Variants in GRM7 observed in about 807,000 individuals in gnomAD.
The protein encoded by GRM7 is glutamate metabotropic receptor 7.
A neutral mutation model predicts 84.5 loss-of-function variants in GRM7; 35 were observed. The ratio of observed to expected loss-of-function variants is 0.41; its 90% CI spans 0.32 to 0.55. The LOEUF is 0.55. GRM7 is among the 20% of genes least tolerant of loss of function. GRM7 has a pLI of 0.19. For missense variants in GRM7, 1,003 were observed against 1,194.6 expected (o/e 0.84, Z 2.36); for synonymous variants, 487 against 455.1 (o/e 1.07, Z -0.89).
intron 2 of GRM7, among the ~76,000 whole-genome samples, chr3:7,231,643 A>G (rs1697198892): frequency 6.6e-6 from 1 of 152,214 alleles, no homozygotes; most frequent in African/African-American, 2.4e-5. Context: ...GCATTGATCT[A>G]AGGACTTTCC....
intron 2 of GRM7, among the ~76,000 whole-genome samples, chr3:7,178,035 G>A (rs962967542): frequency 3.3e-5 from 5 of 152,036 alleles, no homozygotes; most frequent in African/African-American, 1.2e-4. Flanking sequence ...TTGATTAATT[G>A]ACTTTTGTAT....
At chr3:7,190,056 A>AG (rs1695658767) in intron 2 of GRM7, among the ~76,000 whole-genome samples, 1 of 152,112 alleles carries the variant, frequency 6.6e-6, no homozygotes, top group Non-Finnish European at 1.5e-5. Flanking sequence ...TCTTTTCTGC[A>AG]AGGTAGTTGA....
At chr3:7,403,186 G>A (rs138178952) in intron 4 of GRM7, 2 of 444,810 alleles carry the variant, frequency 4.5e-6, no homozygotes, top group Non-Finnish European at 9.1e-6. Context: ...AAATGGGTAG[G>A]TGCCATTTGC....
chr3:7,599,003 A>G (rs953916779), intron 8 of GRM7, among the ~76,000 whole-genome samples: 1 of 152,204 alleles, frequency 6.6e-6, no homozygotes, highest in Non-Finnish European at 1.5e-5. Context: ...TCCTCTTGAA[A>G]GAGAATTTCT....
intron 1 of GRM7, among the ~76,000 whole-genome samples, chr3:6,950,624 C>T (rs1212570013): frequency 1.3e-5 from 2 of 152,200 alleles, no homozygotes; most frequent in Admixed American, 1.3e-4. Flanking sequence ...TTATTGCTGT[C>T]TTTTGTTTGT....
intron 8 of GRM7, among the ~76,000 whole-genome samples, chr3:7,587,813 T>A (rs1356596671): frequency 1.3e-5 from 2 of 152,122 alleles, no homozygotes; most frequent in Non-Finnish European, 2.9e-5. Context: ...ACCTGAAGGG[T>A]GCAGAAGAAT....
chr3:6,942,368 T>C (rs1240729191), intron 1 of GRM7, among the ~76,000 whole-genome samples: 2 of 152,138 alleles, frequency 1.3e-5, no homozygotes, highest in Admixed American at 6.5e-5. Flanking sequence ...TGTGTAAATC[T>C]GTAAAACCCA....
chr3:7,464,253 T>TA (rs1559341232), intron 7 of GRM7, among the ~76,000 whole-genome samples: 3 of 94,058 alleles, frequency 3.2e-5, no homozygotes, highest in African/African-American at 9.2e-5. Context: ...GGGATACATA[T>TA]GTAACGTGAG....
At chr3:7,494,752 G>A (rs1157458617) in intron 7 of GRM7, among the ~76,000 whole-genome samples, 1 of 151,996 alleles carries the variant, frequency 6.6e-6, no homozygotes, top group Non-Finnish European at 1.5e-5. Context: ...TATTTTTATT[G>A]TTATCATTGT....
chr3:7,412,099 T>C (rs1163759444), intron 4 of GRM7, among the ~76,000 whole-genome samples: 1 of 152,094 alleles, frequency 6.6e-6, no homozygotes, highest in African/African-American at 2.4e-5. Context: ...ATTGCTTCAT[T>C]CACTGATTCT....
At chr3:6,882,759 C>T (rs1695559472) in intron 1 of GRM7, among the ~76,000 whole-genome samples, 1 of 152,124 alleles carries the variant, frequency 6.6e-6, no homozygotes. Flanking sequence ...GATTCCATGT[C>T]ATTTAATAAG....
intron 7 of GRM7, among the ~76,000 whole-genome samples, chr3:7,574,541 A>C (rs566657965): frequency 6.5e-4 from 99 of 152,356 alleles, no homozygotes; most frequent in African/African-American, 2.2e-3. Context: ...GGCTGAAGGC[A>C]GTGTGGAAGT....
chr3:7,714,827 T>C (rs1337893293), intron 9 of GRM7, among the ~76,000 whole-genome samples: 1 of 152,224 alleles, frequency 6.6e-6, no homozygotes, highest in Admixed American at 6.5e-5. Context: ...AGAGGTCTAT[T>C]GGTGCAACAG....
At chr3:6,884,150 C>A (rs1695609740) in intron 1 of GRM7, 1 of 152,600 alleles carries the variant, frequency 6.6e-6, no homozygotes, top group Non-Finnish European at 1.5e-5. Context: ...CTGGCACTCA[C>A]ATTTAGAAAA....
intron 7 of GRM7, among the ~76,000 whole-genome samples, chr3:7,557,478 G>A (rs1214740492): frequency 6.6e-6 from 1 of 152,088 alleles, no homozygotes; most frequent in East Asian, 1.9e-4. Flanking sequence ...TATTGAGCGA[G>A]GAAGAAAAGA....
chr3:7,323,485 C>G (rs2125056471), intron 4 of GRM7, among the ~76,000 whole-genome samples: 1 of 152,266 alleles, frequency 6.6e-6, no homozygotes, highest in East Asian at 1.9e-4. Context: ...GGAGAACTTG[C>G]TGCTTATCGT....
At chr3:7,726,914 T>C (rs1702152131) in intron 9 of GRM7, among the ~76,000 whole-genome samples, 1 of 151,840 alleles carries the variant, frequency 6.6e-6, no homozygotes, top group Non-Finnish European at 1.5e-5. Context: ...TTTAATCTTT[T>C]TGTTTCTTCA....
chr3:7,251,636 A>C (rs1174919418), intron 2 of GRM7, among the ~76,000 whole-genome samples: 1 of 152,112 alleles, frequency 6.6e-6, no homozygotes, highest in African/African-American at 2.4e-5. Flanking sequence ...TAGACCACTG[A>C]CTATATGGTT....
chr3:7,647,909 T>G (rs1698727513), intron 8 of GRM7, among the ~76,000 whole-genome samples: 1 of 152,214 alleles, frequency 6.6e-6, no homozygotes, highest in Non-Finnish European at 1.5e-5. Flanking sequence ...TGAGATGCTA[T>G]CCACTTCCAT....
Sources: allele counts gnomAD v4.1 joint callset (sites outside exome capture counted in the v4.1 genomes callset), GRCh38; gene constraint gnomAD v4.1.1; transcripts MANE v1.5; gene names NCBI Gene and HGNC (gene_info 2026-07-23, HGNC 2026-07-21).